Variants in GABRA1 observed in about 807,000 individuals in gnomAD.
The protein encoded by GABRA1 is gamma-aminobutyric acid receptor subunit alpha-1.
A neutral mutation model predicts 48.9 loss-of-function variants in GABRA1; 9 were observed. The ratio of observed to expected loss-of-function variants is 0.18; its 90% CI spans 0.11 to 0.32. The LOEUF is 0.32. Among genes scored for constraint, GABRA1 ranks in the 10% least tolerant of loss-of-function variants. The probability of loss-of-function intolerance (pLI) is 1.00; values close to 1 mark genes in which losing one functional copy is unlikely to be tolerated. For missense variants in GABRA1, 285 were observed against 553.8 expected (o/e 0.51, Z 4.87); for synonymous variants, 210 against 198.7 (o/e 1.06, Z -0.48).
intron 7 of GABRA1, among the ~76,000 whole-genome samples, chr5:161,886,836 G>A (rs1333455158): frequency 2.6e-5 from 4 of 151,978 alleles, no homozygotes; most frequent in Non-Finnish European, 2.9e-5. Flanking sequence ...ACTACATGAT[G>A]GCATAAAGGA....
chr5:161,890,181 A>C (rs997514136), intron 7 of GABRA1, among the ~76,000 whole-genome samples: 9 of 152,062 alleles, frequency 5.9e-5, no homozygotes, highest in Non-Finnish European at 1.2e-4. Context: ...ACCTAACTAG[A>C]CCACTGTTTC....
rs567090674 is a variant in GABRA1 at position 161,861,366 on chromosome 5, A to G, written c.188-4355A>G. On this transcript the variant is annotated intron_variant, in intron 3 of 9. Coordinates refer to ENST00000393943, the MANE Select transcript of GABRA1 (RefSeq NM_001127644.2). ...AAGAAACCCATTGCTCCAACAGCAA[A>G]ATATACATTTTTTTCTAAAGATTAG... 2.4e-4 allele frequency among the ~76,000 whole-genome samples: 36 copies of G among 152,028 alleles called. 2 individuals are homozygous for G. The South Asian group carries it at 7.2e-3, about 31-fold the overall frequency.
chr5:161,888,305 G>T (rs188256450), intron 7 of GABRA1, among the ~76,000 whole-genome samples: 1 of 152,086 alleles, frequency 6.6e-6, no homozygotes, highest in East Asian at 1.9e-4. Context: ...ACATGATTCT[G>T]ATGTTGCTTC....
chr5:161,870,979 T>A (rs1419943837), intron 4 of GABRA1, among the ~76,000 whole-genome samples: 1 of 125,472 alleles, frequency 8.0e-6, no homozygotes. Context: ...TGTGTGTGTG[T>A]GTGTGTGTGT....
chr5:161,898,778 T>G lies in GABRA1; in HGVS notation c.*1356T>G, dbSNP rs1008420407. 2 of 152,580 alleles carry G rather than the reference T, an allele frequency of 1.3e-5. No individual in the cohort carries two copies. The highest frequency in any genetic ancestry group is 2.9e-5 in the Non-Finnish European group (2 of 67,976). 9.5% of individuals were successfully genotyped at this position (152,580 alleles called of 1,614,324 possible). On this transcript the variant is annotated 3_prime_UTR_variant, in exon 10 of 10. Transcript: ENST00000393943. ...AGCTAGAAAATGAACTGTATATTATTGCTATATTTGCTAATACCAACTATT... is the reference window on the plus strand; with the variant it reads ...AGCTAGAAAATGAACTGTATATTATGGCTATATTTGCTAATACCAACTATT...
intron 1 of GABRA1, chr5:161,850,412 A>T: frequency 2.3e-6 from 1 of 440,012 alleles, no homozygotes; most frequent in Non-Finnish European, 4.0e-6. Context: ...TGCACAGTTC[A>T]CTGTGGAAAC....
rs569945018 is a variant in GABRA1 at position 161,877,483 on chromosome 5, A to T, written c.559+1841A>T. ...TTTAGATATTCTTTCTCATCACAAG[A>T]TGGCTGCTGTAACTCCAGTCAATGC... On this transcript the variant is annotated intron_variant, in intron 6 of 9. Transcript: ENST00000393943. 3.9e-5 allele frequency among the ~76,000 whole-genome samples: 6 copies of T among 152,280 alleles called. No homozygotes were observed. The South Asian group carries it at 1.2e-3, about 32-fold the overall frequency.
chr5:161,885,558 T>C (rs191834576), intron 7 of GABRA1, among the ~76,000 whole-genome samples: 2 of 152,272 alleles, frequency 1.3e-5, no homozygotes, highest in Admixed American at 1.3e-4. Flanking sequence ...ACAATCCTAC[T>C]GACCTCTTTG....
intron 1 of GABRA1, 156 bp downstream of exon 1, chr5:161,848,578 G>C (rs1256382577): frequency 1.9e-5 from 3 of 153,996 alleles, no homozygotes; most frequent in African/African-American, 7.5e-5. Context: ...AGCGAGCAAG[G>C]GAGCGAGCAG....
chr5:161,896,289 C>A lies in GABRA1; in HGVS notation c.1059+421C>A, dbSNP rs368312218. On this transcript the variant is annotated intron_variant, in intron 9 of 9. Transcript: ENST00000393943. Reference sequence around the variant, plus strand: ...TAATCATTTGGTCATAAATGTATAACCATAATGCCTCAATTAAATTAAGTT... The same window carrying A: ...TAATCATTTGGTCATAAATGTATAAACATAATGCCTCAATTAAATTAAGTT... Among the ~76,000 whole-genome samples the A allele has an allele frequency of 2.6e-5, 4 of 152,066 alleles. No individual in the cohort carries two copies. The East Asian group carries it at 5.8e-4, about 22-fold the overall frequency.
intron 8 of GABRA1, among the ~76,000 whole-genome samples, 196 bp downstream of exon 8, chr5:161,891,246 A>G (rs1256816155): frequency 6.6e-6 from 1 of 152,214 alleles, no homozygotes; most frequent in African/African-American, 2.4e-5. Context: ...CTGTTTTAGT[A>G]TTTGTGAATA....
At chr5:161,868,850 C>A (rs1753988972) in intron 4 of GABRA1, among the ~76,000 whole-genome samples, 1 of 152,102 alleles carries the variant, frequency 6.6e-6, no homozygotes, top group African/African-American at 2.4e-5. Context: ...TTTTGATACA[C>A]CTTCAAACCT....
intron 6 of GABRA1, among the ~76,000 whole-genome samples, chr5:161,876,189 A>ATG (rs886289559): frequency 2.6e-5 from 4 of 151,846 alleles, no homozygotes; most frequent in African/African-American, 9.7e-5. Context: ...ATTCATATAT[A>ATG]TATATATATA....
chr5:161,850,881 G>C lies in GABRA1; in HGVS notation c.71G>C (p.Arg24Thr). The part of the protein sequence containing the change: ...WILLLSTLTG[R>T]SYGQPSLQDE... ...CTCCTTCTGAGCACACTGACTGGAA[G>C]AAGGTGGGGACACTTTTTTAAAAAT... The change falls in exon 2 of 10, where the codon AGA (arginine) becomes ACA (threonine). Residue 24 changes from arginine to threonine, a missense_variant. Around this residue, in one of 6 missense-constraint regions of GABRA1, gnomAD observed 45 missense variants for 39.9 expected, o/e 1.13. Transcript: ENST00000393943. The C allele has an allele frequency of 6.2e-7, 1 of 1,613,140 alleles. No individual in the cohort carries two copies.
At chr5:161,873,091 C>A in intron 4 of GABRA1, 26 bp from the exon 5 acceptor site, 2 of 1,543,846 alleles carry the variant, frequency 1.3e-6, no homozygotes, top group South Asian at 1.1e-5. Flanking sequence ...ACAGTGAACT[C>A]TTCGTCATTT....
chr5:161,848,083 T>G (rs531399180), upstream of GABRA1: 4 of 152,348 alleles, frequency 2.6e-5, no homozygotes, highest in East Asian at 7.7e-4. Flanking sequence ...ACCACCTTCC[T>G]TTCTAAAATA....
At chr5:161,860,655 C>T (rs1179705261) in intron 3 of GABRA1, among the ~76,000 whole-genome samples, 1 of 151,634 alleles carries the variant, frequency 6.6e-6, no homozygotes. Flanking sequence ...TTGTTTTTAA[C>T]ATGAAGAATA....
intron 3 of GABRA1, among the ~76,000 whole-genome samples, chr5:161,863,751 C>T (rs1561570404): frequency 6.7e-6 from 1 of 148,582 alleles, no homozygotes; most frequent in East Asian, 2.0e-4. Context: ...TATTTTGAAG[C>T]TTTTTTTTTT....
intron 3 of GABRA1, among the ~76,000 whole-genome samples, chr5:161,856,367 T>C (rs1206332793): frequency 2.0e-5 from 3 of 151,384 alleles, no homozygotes; most frequent in African/African-American, 4.8e-5. Flanking sequence ...AGAGCAGAAA[T>C]AGTAGTTGTC....
Sources: gnomAD v4.1 joint callset for allele counts (sites outside exome capture counted in the v4.1 genomes callset) on GRCh38, gnomAD v4.1.1 for gene constraint, gnomAD v4.1.1 regional missense constraint, MANE v1.5 for transcripts, NCBI Gene and HGNC (gene_info 2026-07-23, HGNC 2026-07-21) for gene names.